The following NDUFA10 variants were observed in gnomAD, a reference collection of about 807,000 sequenced individuals.
NDUFA10 encodes the protein NADH:ubiquinone oxidoreductase subunit A10.
NDUFA10 carries 40 observed loss-of-function variants against 47.8 expected under a neutral mutation model. That is an observed-to-expected ratio of 0.84 (90% CI 0.65 to 1.09). NDUFA10 has a LOEUF of 1.09. NDUFA10 is among the 50% of genes least tolerant of loss of function. The pLI, the probability that NDUFA10 is intolerant of heterozygous loss-of-function variation, is 0.00. For missense variants in NDUFA10, 413 were observed against 451.1 expected (o/e 0.92, Z 0.76); for synonymous variants, 183 against 172.2 (o/e 1.06, Z -0.49).
At chr2:239,997,316 C>A (rs971037379) in intron 8 of NDUFA10, among the ~76,000 whole-genome samples, 4 of 151,744 alleles carry the variant, frequency 2.6e-5, no homozygotes, top group African/African-American at 4.8e-5. Flanking sequence ...CCAGGTTCTT[C>A]GAAAAAGTTA....
At chr2:240,019,822 A>G (rs1697543034) in intron 3 of NDUFA10, among the ~76,000 whole-genome samples, 1 of 101,808 alleles carries the variant, frequency 9.8e-6, no homozygotes, top group Non-Finnish European at 2.0e-5. Flanking sequence ...CCGTCTCAAA[A>G]AAAAAAAAAA....
chr2:240,017,964 AAC>A (rs1697434196), intron 4 of NDUFA10: 3 of 1,404,188 alleles, frequency 2.1e-6, no homozygotes, highest in Non-Finnish European at 3.0e-6. Flanking sequence ...CCCACCGCCC[AAC>A]ACAGTCCTAG....
intron 4 of NDUFA10, among the ~76,000 whole-genome samples, chr2:239,919,812 T>C (rs1436865396): frequency 2.0e-5 from 3 of 152,206 alleles, no homozygotes. Flanking sequence ...CCATGAACTC[T>C]GAGTTCTCCT....
chr2:239,915,421 G>GAC lies in NDUFA10; in HGVS notation c.295-20109_295-20108dup, dbSNP rs143219949. 3.2e-4 allele frequency among the ~76,000 whole-genome samples: 44 copies of GAC among 139,152 alleles called. 1 individual carries two copies. The highest frequency in any genetic ancestry group is 1.2e-3 in the African/African-American group (42 of 35,320). The allele number at this position is 139,152 out of a possible 152,430, so 91.3% of individuals were successfully genotyped here. On this transcript the variant is annotated intron_variant, in intron 4 of 5. Transcript: ENST00000419408. ...TACACACAGAACACACACATACACA[G>GAC]ACACAAATATACAGACACACACACA...
intron 4 of NDUFA10, among the ~76,000 whole-genome samples, chr2:239,915,637 CAGACACACAG>C (rs1488080318): frequency 3.1e-4 from 46 of 148,982 alleles, no homozygotes; most frequent in Non-Finnish European, 4.4e-4. Context: ...CACAAATATA[CAGACACACAG>C]AGACACACAG....
At chr2:239,921,892 CTCTCCTTCCTTT>C (rs1242058078) in intron 4 of NDUFA10, among the ~76,000 whole-genome samples, 3 of 151,440 alleles carry the variant, frequency 2.0e-5, no homozygotes, top group African/African-American at 7.3e-5. Context: ...CTCCTTCCCT[CTCTCCTTCCTTT>C]TCTCCTTTCC....
At chr2:240,025,177 A>T in intron 1 of NDUFA10, 50 bp downstream of exon 1, 1 of 344,384 alleles carries the variant, frequency 2.9e-6, no homozygotes, top group Non-Finnish European at 4.1e-6. Flanking sequence ...CCACCCCGCC[A>T]CCCCGCCACC....
intron 8 of NDUFA10, among the ~76,000 whole-genome samples, chr2:239,996,793 TTG>T (rs2106455428): frequency 6.6e-6 from 1 of 151,164 alleles, no homozygotes; most frequent in Non-Finnish European, 1.5e-5. Context: ...TCTTAAAACA[TTG>T]TGAGTTTTTT....
rs193146805 is a variant in NDUFA10, at chr2:239,914,117, A to C, written c.295-18803T>G. Among the ~76,000 whole-genome samples, 33 of 152,280 alleles carry C rather than the reference A, an allele frequency of 2.2e-4. 2 individuals are homozygous for C. In the East Asian group the frequency reaches 4.2e-3, roughly 20 times the overall value. ...CGGAGTTCACAGGCAACACACACAGACACACACAAATATACAGATACACAC... is the reference window on the plus strand; with the variant it reads ...CGGAGTTCACAGGCAACACACACAGCCACACACAAATATACAGATACACAC... On this transcript the variant is annotated intron_variant, in intron 4 of 5. Coordinates refer to the NDUFA10 transcript ENST00000419408.
intron 6 of NDUFA10, among the ~76,000 whole-genome samples, chr2:240,009,025 C>G (rs1282526584): frequency 6.6e-6 from 1 of 152,192 alleles, no homozygotes; most frequent in African/African-American, 2.4e-5. Context: ...AAGGGCTGGG[C>G]CAGCAGTTCA....
rs551722799 is a variant in NDUFA10 at position 240,007,772 on chromosome 2, C to T, written c.750-402G>A. ...AGGACAACGAAGCCCAGGGCCTAAC[C>T]GAGCACAGGCAGAAGGCATCTTTAC... On this transcript the variant is annotated intron_variant, in intron 6 of 9. Coordinates refer to ENST00000252711, the MANE Select transcript of NDUFA10 (RefSeq NM_004544.4). Among the ~76,000 whole-genome samples the T allele has an allele frequency of 4.3e-4, 65 of 152,252 alleles. 1 individual carries two copies. In the South Asian group the frequency reaches 0.012, roughly 28 times the overall value.
chr2:239,974,763 T>TCTGGTCATTTAAAAATATGTGACACTCC (rs1695448638), intron 9 of NDUFA10, among the ~76,000 whole-genome samples: 1 of 143,004 alleles, frequency 7.0e-6, no homozygotes, highest in Admixed American at 6.9e-5. Context: ...TGTGACACTC[T>TCTGGTCATTTAAAAATATGTGACACTCC]GCCACCAAAG....
Position 239,959,967 on chromosome 2 carries a change from C to G in NDUFA10, c.*1151G>C. 1 of 985,496 alleles carries G rather than the reference C, an allele frequency of 1.0e-6. No homozygotes were observed. Among genetic ancestry groups the G allele is most frequent in the Non-Finnish European group, 1.2e-6 (1 of 829,938 alleles). 61.0% of individuals were successfully genotyped at this position (985,496 alleles called of 1,614,324 possible). ...GGGGAGCAGAGCATCGTCCTCTGCA[C>G]CAGCACTGGAACTACTGCCCACAGG... is the stretch of plus-strand genomic sequence containing the variant. On this transcript the variant is annotated 3_prime_UTR_variant, in exon 10 of 10. Coordinates refer to ENST00000252711, the MANE Select transcript of NDUFA10 (RefSeq NM_004544.4).
chr2:239,951,678 T>C (rs112986867), intron 4 of NDUFA10, among the ~76,000 whole-genome samples: 288 of 152,358 alleles, frequency 1.9e-3, no homozygotes, highest in Non-Finnish European at 3.1e-3. Flanking sequence ...AGGAAGACTC[T>C]AATGGCAAGT....
In NDUFA10 at chr2:240,011,333, G is replaced by A. The variant is rs113586907; in HGVS notation, c.749+284C>T. On this transcript the variant is annotated intron_variant, in intron 6 of 9. Transcript: ENST00000252711. ...ACACAAGTTCTCTATGGTAAAACCTGTCATGGAATAGAGCTTGGTTTACTT... is the reference window on the plus strand; with the variant it reads ...ACACAAGTTCTCTATGGTAAAACCTATCATGGAATAGAGCTTGGTTTACTT... Among the ~76,000 whole-genome samples, 2,725 of 152,260 alleles carry A rather than the reference G, an allele frequency of 0.018. 81 individuals carry two copies. Among genetic ancestry groups the A allele is most frequent in the African/African-American group, 0.062 (2,571 of 41,530 alleles).
chr2:239,974,359 C>T (rs1306079533), intron 9 of NDUFA10, among the ~76,000 whole-genome samples: 2 of 152,218 alleles, frequency 1.3e-5, no homozygotes, highest in African/African-American at 4.8e-5. Flanking sequence ...GACAAACACT[C>T]CAAGGTCACA....
At chr2:240,007,112 C>T (rs1025423342) in intron 7 of NDUFA10, among the ~76,000 whole-genome samples, 2 of 152,144 alleles carry the variant, frequency 1.3e-5, no homozygotes, top group African/African-American at 4.8e-5. Flanking sequence ...ATTTTCAGAT[C>T]GTAGAAACCG....
At chr2:239,898,198 C>T (rs1459524291) in intron 4 of NDUFA10, among the ~76,000 whole-genome samples, 1 of 152,180 alleles carries the variant, frequency 6.6e-6, no homozygotes, top group Admixed American at 6.5e-5. Context: ...CTCCACTTCC[C>T]AATACTCTGC....
intron 9 of NDUFA10, among the ~76,000 whole-genome samples, chr2:239,972,114 A>C (rs550347924): frequency 1.6e-4 from 24 of 151,420 alleles, no homozygotes; most frequent in Admixed American, 1.5e-3. Flanking sequence ...TCAGTTTCCC[A>C]GCTGAAAGAG....
Sources: allele counts gnomAD v4.1 joint callset (sites outside exome capture counted in the v4.1 genomes callset), GRCh38; gene constraint gnomAD v4.1.1; transcripts MANE v1.5; gene names NCBI Gene and HGNC (gene_info 2026-07-23, HGNC 2026-07-21).